Variants in CACNA1B observed in about 807,000 individuals in gnomAD.
The protein encoded by CACNA1B is calcium voltage-gated channel subunit alpha1 B.
A neutral mutation model predicts 247.2 loss-of-function variants in CACNA1B; 70 were observed. The ratio of observed to expected loss-of-function variants is 0.28; its 90% CI spans 0.23 to 0.35. The LOEUF (loss-of-function observed/expected upper bound fraction) is 0.35, where lower values mean the gene tolerates loss of function less well. Among genes scored for constraint, CACNA1B ranks in the 10% least tolerant of loss-of-function variants. The pLI is 1.00. For synonymous variants in CACNA1B, 1,231 were observed against 1,294.4 expected (o/e 0.95, Z 1.05); for missense variants, 2,367 against 3,197.4 (o/e 0.74, Z 6.26).
At chr9:137,998,583 AAAAAC>A (rs762618884) in intron 15 of CACNA1B, among the ~76,000 whole-genome samples, 3 of 152,262 alleles carry the variant, frequency 2.0e-5, no homozygotes, top group African/African-American at 7.2e-5. Flanking sequence ...CTCCGTCTCA[AAAAAC>A]AAAACAAAAC....
intron 3 of CACNA1B, among the ~76,000 whole-genome samples, chr9:137,883,172 G>A (rs1418250012): frequency 2.0e-4 from 31 of 152,180 alleles, no homozygotes; most frequent in Non-Finnish European, 4.1e-4. Flanking sequence ...AGCTTCCATG[G>A]CTGGCCTGAG....
intron 42 of CACNA1B, 83 bp from the exon 43 acceptor site, chr9:138,117,863 C>T: frequency 8.8e-7 from 1 of 1,134,212 alleles, no homozygotes. Flanking sequence ...TTGGAGACGC[C>T]TGGCAGGTTG....
At chr9:138,092,018 CAG>C (rs1302445270) in intron 36 of CACNA1B, among the ~76,000 whole-genome samples, 1 of 152,120 alleles carries the variant, frequency 6.6e-6, no homozygotes, top group Non-Finnish European at 1.5e-5. Flanking sequence ...GGGGTACAAA[CAG>C]GGAGTAAGAC....
intron 3 of CACNA1B, chr9:137,892,323 A>T: frequency 2.2e-6 from 1 of 456,748 alleles, no homozygotes; most frequent in Non-Finnish European, 4.4e-6. Flanking sequence ...CTGGCAGATG[A>T]CTGCCTTCTT....
rs946012840 is a variant in CACNA1B, at chr9:138,011,854, G to C, written c.2161-1275G>C. ...TTCAAGGACATTTTAGGGAACACTG[G>C]GAATGCTGGCTCCCAGGGGAGCCAG... is the stretch of plus-strand genomic sequence containing the variant. On this transcript the variant is annotated intron_variant, in intron 17 of 46. Transcript: ENST00000371372. The surrounding 1 kb of genome is among the most constrained non-coding windows in gnomAD (Gnocchi z 4.2). Among the ~76,000 whole-genome samples, 1 of 152,182 alleles carries C rather than the reference G, an allele frequency of 6.6e-6. No homozygotes were observed. Among genetic ancestry groups the C allele is most frequent in the Non-Finnish European group, 1.5e-5 (1 of 68,032 alleles).
At position 138,051,814 on chromosome 9, in the gene CACNA1B, G is replaced by A. The variant is rs949680842; in HGVS notation, c.3711-278G>A. Among the ~76,000 whole-genome samples the A allele has an allele frequency of 6.6e-6, 1 of 152,180 alleles. No individual in the cohort carries two copies. The highest frequency in any genetic ancestry group is 1.5e-5 in the Non-Finnish European group (1 of 68,034). On this transcript the variant is annotated intron_variant, in intron 24 of 46. Transcript: ENST00000371372. The surrounding 1 kb of genome is among the most constrained non-coding windows in gnomAD (Gnocchi z 4.3). ...CTTAATCCTGGAATCTGGGGTGGGA[G>A]GGGTGTCAGGGGTGATGGTTCTTCT...
rs1259002714 is a variant in CACNA1B at position 137,990,150 on chromosome 9, G to A, written c.1974+3296G>A. Among the ~76,000 whole-genome samples, 1 of 152,130 alleles carries A rather than the reference G, an allele frequency of 6.6e-6. No individual in the cohort carries two copies. Among genetic ancestry groups the A allele is most frequent in the African/African-American group, 2.4e-5 (1 of 41,414 alleles). On this transcript the variant is annotated intron_variant, in intron 15 of 46. Coordinates refer to ENST00000371372, the MANE Select transcript of CACNA1B (RefSeq NM_000718.4). The surrounding 1 kb of genome is among the most constrained non-coding windows in gnomAD (Gnocchi z 4.5). ...GAGTGAGACCAGCCTTTTGGACTGCGGGCTGCGTGGGAGTGGGGTGAGGCC... is the reference window on the plus strand; with the variant it reads ...GAGTGAGACCAGCCTTTTGGACTGCAGGCTGCGTGGGAGTGGGGTGAGGCC...
At position 137,913,427 on chromosome 9, in the gene CACNA1B, G is replaced by T. The variant is rs1440853426; in HGVS notation, c.622+156G>T. On this transcript the variant is annotated intron_variant, in intron 4 of 46. Coordinates refer to ENST00000371372, the MANE Select transcript of CACNA1B (RefSeq NM_000718.4). The surrounding 1 kb of genome is among the most constrained non-coding windows in gnomAD (Gnocchi z 5.2). ...CCAGGCAGGAGGAAGGGAGGAGCAG[G>T]CCTTTTTTGGCCTGTCACACCCTCC... is the stretch of plus-strand genomic sequence containing the variant. Among the ~76,000 whole-genome samples, 1 of 152,144 alleles carries T rather than the reference G, an allele frequency of 6.6e-6. No individual in the cohort carries two copies. Among genetic ancestry groups the T allele is most frequent in the East Asian group, 1.9e-4 (1 of 5,178 alleles).
At chr9:138,118,158 G>C in intron 43 of CACNA1B, 77 bp downstream of exon 43, 1 of 1,069,314 alleles carries the variant, frequency 9.4e-7, no homozygotes, top group Non-Finnish European at 1.2e-6. Context: ...AGACTGGGGT[G>C]GGGGACGTGT....
intron 15 of CACNA1B, among the ~76,000 whole-genome samples, chr9:137,993,413 T>C (rs1196119581): frequency 3.3e-5 from 5 of 152,154 alleles, no homozygotes; most frequent in East Asian, 1.9e-4. Context: ...TTATTTTGTC[T>C]ATCTAGATAG....
rs570326721 is a variant in CACNA1B at position 137,917,587 on chromosome 9, C to T, written c.966+156C>T. Among the ~76,000 whole-genome samples the T allele has an allele frequency of 3.9e-5, 6 of 152,302 alleles. No homozygotes were observed. The highest frequency in any genetic ancestry group is 6.5e-5 in the Admixed American group (1 of 15,312). On this transcript the variant is annotated intron_variant, in intron 6 of 46. Coordinates refer to ENST00000371372, the MANE Select transcript of CACNA1B (RefSeq NM_000718.4). The surrounding 1 kb of genome is among the most constrained non-coding windows in gnomAD (Gnocchi z 5.5). Reference sequence around the variant, plus strand: ...CCTAGGATGAAATGCAGGCTCTTTCCGGCAGACGCCCCACCCAAGGGTCCA... The same window carrying T: ...CCTAGGATGAAATGCAGGCTCTTTCTGGCAGACGCCCCACCCAAGGGTCCA...
Position 138,102,861 on chromosome 9 carries a change from G to A in CACNA1B, c.5319+54G>A. The stretch of plus-strand genomic sequence containing the variant: ...CAGGAGGCTGTGTGTGCTTGCTGAG[G>A]GGTGCTTGCTGGCTCTCCCAGCTCC... On this transcript the variant is annotated intron_variant, in intron 38 of 46. Coordinates refer to ENST00000371372, the MANE Select transcript of CACNA1B (RefSeq NM_000718.4). The surrounding 1 kb of genome is among the most constrained non-coding windows in gnomAD (Gnocchi z 5.4). The A allele has an allele frequency of 1.7e-6, 2 of 1,163,064 alleles. No homozygotes were observed. Among genetic ancestry groups the A allele is most frequent in the Admixed American group, 3.7e-5 (2 of 54,152 alleles). 72.0% of individuals were successfully genotyped at this position (1,163,064 alleles called of 1,614,324 possible).
chr9:138,034,076 C>T (rs906072379), intron 20 of CACNA1B, among the ~76,000 whole-genome samples: 3 of 152,222 alleles, frequency 2.0e-5, no homozygotes, highest in Admixed American at 1.3e-4. Context: ...CCATTCATAC[C>T]GGCCTGACTG....
intron 19 of CACNA1B, 93 bp from the exon 20 acceptor site, chr9:138,024,861 TG>T: frequency 1.2e-6 from 1 of 859,702 alleles, no homozygotes; most frequent in Non-Finnish European, 1.9e-6. Context: ...CTTGAACTCC[TG>T]GGCTCAAGTG....
chr9:137,988,588 A>T (rs1958395431), intron 15 of CACNA1B, among the ~76,000 whole-genome samples: 1 of 152,240 alleles, frequency 6.6e-6, no homozygotes, highest in South Asian at 2.1e-4. Flanking sequence ...AAATACACTT[A>T]GAAAATAAAA....
chr9:138,023,551 C>T lies in CACNA1B; in HGVS notation c.2808C>T (p.Arg936=), dbSNP rs758217612. The T allele has an allele frequency of 4.6e-6, 5 of 1,086,716 alleles. No individual in the cohort carries two copies. The South Asian group carries it at 1.5e-4, about 32-fold the overall frequency. The allele number at this position is 1,086,716 out of a possible 1,614,324, so 67.3% of individuals were successfully genotyped here. A position where few individuals can be genotyped will look rare whatever the true frequency, so the allele number is the denominator to read the frequency against. ...CCGAGCGGGAGCCCCGACGCCACCG[C>T]GCGCACCGGCACCAGGATCCGAGCA... ...EAAEREPRRH[R]AHRHQDPSKE... The change falls in exon 19 of 47, where the codon CGC becomes CGT. Residue 936 remains arginine, a synonymous_variant. Transcript: ENST00000371372.
At position 138,121,949 on chromosome 9, in the gene CACNA1B, G is replaced by A; in HGVS notation, c.6970G>A (p.Gly2324Ser). The change falls in exon 47 of 47, where the codon GGC becomes AGC. Residue 2324 changes from glycine (G) to serine (S), a missense_variant. Around this residue, in one of 12 missense-constraint regions of CACNA1B, gnomAD observed 773 missense variants for 779.4 expected, o/e 0.99. Transcript: ENST00000371372. This position sits in a 1 kb window ranked among gnomAD's most constrained non-coding sequence, Gnocchi z 6.8. ...YHCTLGLSSGGRARHSYHHPD... is the reference protein window; with the variant it reads ...YHCTLGLSSGSRARHSYHHPD... ...CTGCACCCTGGGACTCAGCTCGGGT[G>A]GCCGAGCACGGCACAGCTACCACCA... is the stretch of plus-strand genomic sequence containing the variant. 1.2e-6 allele frequency: 2 copies of A among 1,604,676 alleles called. No homozygotes were observed. The highest frequency in any genetic ancestry group is 1.1e-5 in the South Asian group (1 of 91,084).
At position 138,057,727 on chromosome 9, in the gene CACNA1B, C is replaced by A; in HGVS notation, c.3969-5C>A. 1 of 1,607,362 alleles carries A rather than the reference C, an allele frequency of 6.2e-7. No individual in the cohort carries two copies. Among genetic ancestry groups the A allele is most frequent in the Non-Finnish European group, 8.5e-7 (1 of 1,174,834 alleles). On this transcript the variant is annotated splice_polypyrimidine_tract_variant and splice_region_variant and intron_variant, in intron 26 of 46. Coordinates refer to ENST00000371372, the MANE Select transcript of CACNA1B (RefSeq NM_000718.4). This position sits in a 1 kb window ranked among gnomAD's most constrained non-coding sequence, Gnocchi z 4.0. Reference sequence around the variant, plus strand: ...CCCTCTAACCTCCCATGTTCTCATTCCTAGGGGTCAGTATTTGGATTATGA... The same window carrying A: ...CCCTCTAACCTCCCATGTTCTCATTACTAGGGGTCAGTATTTGGATTATGA...
chr9:137,935,372 C>A (rs528793604), intron 6 of CACNA1B, among the ~76,000 whole-genome samples: 23 of 152,156 alleles, frequency 1.5e-4, no homozygotes, highest in African/African-American at 5.3e-4. Flanking sequence ...TCTGTCCTTG[C>A]GATAGTTTGC....
Sources: allele counts gnomAD v4.1 joint callset (sites outside exome capture counted in the v4.1 genomes callset), GRCh38; gene constraint gnomAD v4.1.1; regional missense constraint gnomAD v4.1.1; non-coding constraint Gnocchi (gnomAD v3.1); transcripts MANE v1.5; gene names NCBI Gene and HGNC (gene_info 2026-07-23, HGNC 2026-07-21).